The following VMP1 variants were observed in gnomAD, a reference collection of about 807,000 sequenced individuals.
VMP1 encodes vacuole membrane protein 1, also known as ectopic P-granules autophagy protein 3 homolog.
Under a neutral mutation model 56.0 loss-of-function variants are expected in VMP1, and 11 were observed. The observed-to-expected ratio is 0.20, with a 90% CI of 0.12 to 0.32. VMP1 has a LOEUF of 0.32. VMP1 is among the 10% of genes least tolerant of loss of function. The pLI, the probability that VMP1 is intolerant of heterozygous loss-of-function variation, is 1.00. For missense variants in VMP1, 296 were observed against 490.3 expected (o/e 0.60, Z 3.74); for synonymous variants, 149 against 165.0 (o/e 0.90, Z 0.74).
chr17:59,770,990 G>GTT (rs375707243), intron 6 of VMP1, among the ~76,000 whole-genome samples: 54 of 140,268 alleles, frequency 3.8e-4, no homozygotes, highest in African/African-American at 1.3e-3. Flanking sequence ...GATAAATTGT[G>GTT]TTTTTTTTTT....
intron 6 of VMP1, among the ~76,000 whole-genome samples, chr17:59,773,020 G>A (rs2036490156): frequency 8.1e-6 from 1 of 123,796 alleles, no homozygotes; most frequent in African/African-American, 3.0e-5. Context: ...GGAGTGTAGT[G>A]GTGCGATCTC....
chr17:59,792,333 A>G lies in VMP1; in HGVS notation c.715-16463A>G, dbSNP rs561501121. On this transcript the variant is annotated intron_variant, in intron 7 of 11. Coordinates refer to ENST00000262291, the MANE Select transcript of VMP1 (RefSeq NM_030938.5). ...AAGAATGTCACTGTTGACATTTCCC[A>G]TAATAGAGAAGTTCCCATTTATCTT... Among the ~76,000 whole-genome samples the G allele has an allele frequency of 5.3e-5, 8 of 152,300 alleles. No homozygotes were observed. The South Asian group carries it at 1.0e-3, about 20-fold the overall frequency.
At chr17:59,803,155 C>T (rs951273155) in intron 7 of VMP1, among the ~76,000 whole-genome samples, 2 of 152,186 alleles carry the variant, frequency 1.3e-5, no homozygotes, top group Non-Finnish European at 2.9e-5. Context: ...TTCATGTTGA[C>T]ATCATTAGAT....
intron 1 of VMP1, among the ~76,000 whole-genome samples, chr17:59,719,093 T>C (rs977566709): frequency 6.6e-6 from 1 of 152,186 alleles, no homozygotes; most frequent in African/African-American, 2.4e-5. Flanking sequence ...TGTCAAGATA[T>C]ATTACTCAGA....
In VMP1 at chr17:59,820,974, GT is replaced by G. The variant is rs904404398; in HGVS notation, c.974+3215del. On this transcript the variant is annotated intron_variant, in intron 10 of 11. Coordinates refer to ENST00000262291, the MANE Select transcript of VMP1 (RefSeq NM_030938.5). Reference sequence around the variant, plus strand: ...TCTTATGTCTTTCTTTCTTTTTTTTGTTTTTTTTTTTTTTGTGACGGAGTCT... The same window carrying G: ...TCTTATGTCTTTCTTTCTTTTTTTTGTTTTTTTTTTTTTGTGACGGAGTCT... Among the ~76,000 whole-genome samples the G allele has an allele frequency of 1.8e-3, 249 of 138,628 alleles. 1 individual carries two copies. Among genetic ancestry groups the G allele is most frequent in the African/African-American group, 2.4e-3 (93 of 38,052 alleles). The allele number at this position is 138,628 out of a possible 152,430, so 90.9% of individuals were successfully genotyped here. A position where few individuals can be genotyped will look rare whatever the true frequency, so the allele number is the denominator to read the frequency against.
At chr17:59,712,079 A>G (rs1348740378) in intron 1 of VMP1, among the ~76,000 whole-genome samples, 1 of 152,204 alleles carries the variant, frequency 6.6e-6, no homozygotes, top group Admixed American at 6.5e-5. Context: ...CCTTCTTGTT[A>G]GGATTGAATG....
At chr17:59,724,001 C>T (rs2034494596) in intron 1 of VMP1, among the ~76,000 whole-genome samples, 1 of 151,952 alleles carries the variant, frequency 6.6e-6, no homozygotes, top group African/African-American at 2.4e-5. Context: ...CACTTGAGCC[C>T]AGGAGTTCAA....
At chr17:59,733,188 A>C (rs73333057) in intron 2 of VMP1, among the ~76,000 whole-genome samples, 21,266 of 148,630 alleles carry the variant, frequency 0.14, 1,525 homozygotes, top group Middle Eastern at 0.26. Context: ...CCTGTCCCCC[A>C]AAAAAAAAAA....
Position 59,765,095 on chromosome 17 carries a change from T to C in VMP1, c.539T>C (p.Leu180Ser), listed in dbSNP as rs1392417200. 6.2e-7 allele frequency: 1 copy of C among 1,614,154 alleles called. No individual in the cohort carries two copies. Among genetic ancestry groups the C allele is most frequent in the South Asian group, 1.1e-5 (1 of 91,086 alleles). ...DEEGTEGTIS[L>S]WSIISKVRIE... ...GAGGGCACTGAAGGAACCATTTCTTTGTGGAGTATCATCTCAAAAGTTAGG... is the reference window on the plus strand; with the variant it reads ...GAGGGCACTGAAGGAACCATTTCTTCGTGGAGTATCATCTCAAAAGTTAGG... Residue 180 changes from leucine to serine, a missense_variant, in exon 6 of 12, where the codon TTG (leucine) becomes TCG (serine). Transcript: ENST00000262291.
At chr17:59,724,223 AAAAG>A (rs1307234733) in intron 1 of VMP1, among the ~76,000 whole-genome samples, 68 of 151,042 alleles carry the variant, frequency 4.5e-4, no homozygotes, top group South Asian at 3.1e-3. Context: ...AAAAAAAAAA[AAAAG>A]AAAGAAAAGA....
chr17:59,836,229 A>G (rs1046698961), intron 10 of VMP1, among the ~76,000 whole-genome samples: 1 of 149,256 alleles, frequency 6.7e-6, no homozygotes, highest in African/African-American at 2.5e-5. Flanking sequence ...TTTTATTTTT[A>G]TTTATTTATT....
chr17:59,779,004 A>AT (rs1000845394), intron 7 of VMP1, among the ~76,000 whole-genome samples: 1 of 152,244 alleles, frequency 6.6e-6, no homozygotes, highest in Non-Finnish European at 1.5e-5. Flanking sequence ...ATTTTGCCCA[A>AT]CTATGGGCTA....
intron 6 of VMP1, among the ~76,000 whole-genome samples, chr17:59,772,699 G>A (rs2036470593): frequency 6.6e-6 from 1 of 151,754 alleles, no homozygotes; most frequent in Non-Finnish European, 1.5e-5. Flanking sequence ...AACTTGGGAG[G>A]CAGAGGTTGT....
At chr17:59,730,077 G>C (rs2034767461) in intron 1 of VMP1, 2 of 152,122 alleles carry the variant, frequency 1.3e-5, no homozygotes, top group African/African-American at 2.4e-5. Context: ...AAAGATGTTA[G>C]ACATCTTTTT....
intron 1 of VMP1, among the ~76,000 whole-genome samples, chr17:59,714,239 T>C (rs1424638629): frequency 6.6e-6 from 1 of 151,764 alleles, no homozygotes; most frequent in African/African-American, 2.4e-5. Flanking sequence ...GTGCCGAGAG[T>C]ATCACATGGA....
At chr17:59,728,127 ATG>A (rs1254161109) in intron 1 of VMP1, among the ~76,000 whole-genome samples, 2 of 152,244 alleles carry the variant, frequency 1.3e-5, no homozygotes, top group Non-Finnish European at 2.9e-5. Flanking sequence ...ACAGTGATGA[ATG>A]TGTGCTTTTT....
intron 1 of VMP1, among the ~76,000 whole-genome samples, chr17:59,713,091 T>C (rs1440440673): frequency 6.6e-6 from 1 of 152,012 alleles, no homozygotes; most frequent in Non-Finnish European, 1.5e-5. Context: ...GGGTGGGTGG[T>C]TGTGCCAGGT....
intron 1 of VMP1, among the ~76,000 whole-genome samples, chr17:59,710,478 G>A (rs1023955235): frequency 3.3e-5 from 5 of 152,066 alleles, no homozygotes; most frequent in African/African-American, 1.2e-4. Context: ...ATTACTCTTA[G>A]GTATTAAAGG....
chr17:59,756,641 T>C (rs1009662673), intron 5 of VMP1, among the ~76,000 whole-genome samples: 1 of 152,214 alleles, frequency 6.6e-6, no homozygotes, highest in African/African-American at 2.4e-5. Context: ...GAAGAATGTC[T>C]GTCTGTCTGT....
Sources: allele counts gnomAD v4.1 joint callset (sites outside exome capture counted in the v4.1 genomes callset), GRCh38; gene constraint gnomAD v4.1.1; transcripts MANE v1.5; gene names NCBI Gene and HGNC (gene_info 2026-07-23, HGNC 2026-07-21).